Variants in IL22RA2 observed in about 807,000 individuals in gnomAD.
IL22RA2 encodes the protein interleukin 22 receptor subunit alpha 2, also known as interleukin-22 receptor subunit alpha-2.
A neutral mutation model predicts 30.7 loss-of-function variants in IL22RA2; 39 were observed. The ratio of observed to expected loss-of-function variants is 1.27; its 90% CI spans 0.98 to 1.66. The LOEUF (loss-of-function observed/expected upper bound fraction) is 1.66, where lower values mean the gene tolerates loss of function less well. Ranked by LOEUF, IL22RA2 falls within the 40% of genes most tolerant of loss-of-function variation. IL22RA2 has a pLI of 0.00. For synonymous variants in IL22RA2, 103 were observed against 105.0 expected (o/e 0.98, Z 0.11); for missense variants, 315 against 312.7 (o/e 1.01, Z -0.05).
At chr6:137,171,923 T>G (rs1778742975) in intron 1 of IL22RA2, among the ~76,000 whole-genome samples, 1 of 152,142 alleles carries the variant, frequency 6.6e-6, no homozygotes, top group Non-Finnish European at 1.5e-5. Flanking sequence ...CCAGCTGAAG[T>G]TTTTGGTGCT....
Position 137,145,483 on chromosome 6 carries a change from A to G in IL22RA2, c.*141T>C, listed in dbSNP as rs1221664934. On this transcript the variant is annotated 3_prime_UTR_variant, in exon 7 of 7. Coordinates refer to ENST00000296980, the MANE Select transcript of IL22RA2 (RefSeq NM_052962.3). Reference sequence around the variant, plus strand: ...ATAAAGGATAAAAGAATGGATAAACAAAGAAGTCCCCAAGGTGTAACAGTG... The same window carrying G: ...ATAAAGGATAAAAGAATGGATAAACGAAGAAGTCCCCAAGGTGTAACAGTG... The G allele has an allele frequency of 3.0e-6, 2 of 662,708 alleles. No homozygotes were observed. Among genetic ancestry groups the G allele is most frequent in the Non-Finnish European group, 4.8e-6 (2 of 418,396 alleles). 41.1% of individuals were successfully genotyped at this position (662,708 alleles called of 1,614,324 possible). A position where few individuals can be genotyped will look rare whatever the true frequency, so the allele number is the denominator to read the frequency against.
chr6:137,170,747 C>G (rs1273343076), intron 1 of IL22RA2, among the ~76,000 whole-genome samples: 3 of 151,998 alleles, frequency 2.0e-5, no homozygotes, highest in Non-Finnish European at 4.4e-5. Flanking sequence ...TACATACCAC[C>G]GGGAAAGGGC....
At chr6:137,162,908 T>A (rs1034582154) in intron 1 of IL22RA2, among the ~76,000 whole-genome samples, 2 of 152,210 alleles carry the variant, frequency 1.3e-5, no homozygotes, top group Admixed American at 1.3e-4. Flanking sequence ...AAATCAACTA[T>A]AACCTAATAG....
chr6:137,171,804 T>A (rs533181346), intron 1 of IL22RA2, among the ~76,000 whole-genome samples: 1 of 152,242 alleles, frequency 6.6e-6, no homozygotes, highest in Non-Finnish European at 1.5e-5. Flanking sequence ...GCAGTTGCGC[T>A]GCATGCTTTC....
chr6:137,160,556 C>G (rs1453110314), intron 2 of IL22RA2, among the ~76,000 whole-genome samples: 2 of 152,202 alleles, frequency 1.3e-5, no homozygotes, highest in Non-Finnish European at 2.9e-5. Context: ...CAATTAGAAG[C>G]TGAGGCTATA....
rs750146939 is a variant in IL22RA2 at position 137,158,396 on chromosome 6, C to G, written c.148G>C (p.Gly50Arg). The change falls in exon 3 of 7, where the codon GGG (glycine) becomes CGG (arginine). Residue 50 changes from glycine to arginine, a missense_variant. Coordinates refer to ENST00000296980, the MANE Select transcript of IL22RA2 (RefSeq NM_052962.3). The stretch of plus-strand genomic sequence containing the variant: ...CTGCTGTTGCCAGTAAGTGCCCTCC[C>G]AGGCTGCCATTGCAAAATGTTGTGA... ...NFHNILQWQP[G>R]RALTGNSSVY... 3.0e-5 allele frequency: 48 copies of G among 1,614,194 alleles called. No individual in the cohort carries two copies. The highest frequency in any genetic ancestry group is 4.1e-5 in the Non-Finnish European group (48 of 1,180,012).
intron 6 of IL22RA2, 77 bp downstream of exon 6, chr6:137,147,645 A>T: frequency 8.6e-7 from 1 of 1,161,332 alleles, no homozygotes; most frequent in African/African-American, 1.6e-5. Flanking sequence ...GCAGAAGAGG[A>T]CATCTCATAT....
intron 5 of IL22RA2, among the ~76,000 whole-genome samples, chr6:137,153,776 C>T (rs922531326): frequency 6.6e-6 from 1 of 152,092 alleles, no homozygotes; most frequent in Non-Finnish European, 1.5e-5. Context: ...TAGAGCTTCT[C>T]TATTCAGTGA....
intron 1 of IL22RA2, among the ~76,000 whole-genome samples, chr6:137,166,246 G>A (rs930591060): frequency 2.0e-5 from 3 of 152,232 alleles, no homozygotes; most frequent in African/African-American, 4.8e-5. Flanking sequence ...AGCCCAAAGA[G>A]CTGAGATAAT....
In IL22RA2 at chr6:137,144,709, A is replaced by C. The variant is rs905960870; in HGVS notation, c.*915T>G. 6.6e-6 allele frequency: 1 copy of C among 152,194 alleles called. No individual in the cohort carries two copies. Among genetic ancestry groups the C allele is most frequent in the African/African-American group, 2.4e-5 (1 of 41,424 alleles). 9.4% of individuals were successfully genotyped at this position (152,194 alleles called of 1,614,324 possible). A position where few individuals can be genotyped will look rare whatever the true frequency, so the allele number is the denominator to read the frequency against. Reference sequence around the variant, plus strand: ...ATGGGGTCGACCCCAGCAGTTCCCAATAAACCATCATTCATGGGATCCTCC... The same window carrying C: ...ATGGGGTCGACCCCAGCAGTTCCCACTAAACCATCATTCATGGGATCCTCC... On this transcript the variant is annotated 3_prime_UTR_variant, in exon 7 of 7. Coordinates refer to ENST00000296980, the MANE Select transcript of IL22RA2 (RefSeq NM_052962.3).
Position 137,147,595 on chromosome 6 carries a change from A to C in IL22RA2, c.642+127T>G, listed in dbSNP as rs1778207200. ...TTGATCAATGATGGCTGAGAGTAAG[A>C]AGAAATTAAAGATAAGGAAAAGTAA... is the stretch of plus-strand genomic sequence containing the variant. On this transcript the variant is annotated intron_variant, in intron 6 of 6. Coordinates refer to ENST00000296980, the MANE Select transcript of IL22RA2 (RefSeq NM_052962.3). The C allele has an allele frequency of 3.9e-6, 3 of 772,378 alleles. No homozygotes were observed. The South Asian group carries it at 6.4e-5, about 16-fold the overall frequency. 47.8% of individuals were successfully genotyped at this position (772,378 alleles called of 1,614,324 possible). A position where few individuals can be genotyped will look rare whatever the true frequency, so the allele number is the denominator to read the frequency against.
intron 3 of IL22RA2, among the ~76,000 whole-genome samples, chr6:137,157,276 C>A (rs1471501559): frequency 6.6e-6 from 1 of 152,084 alleles, no homozygotes; most frequent in Non-Finnish European, 1.5e-5. Context: ...CACTTTTGAC[C>A]TATTTATACT....
chr6:137,151,994 TATA>T (rs1778301570), intron 5 of IL22RA2, among the ~76,000 whole-genome samples: 1 of 152,204 alleles, frequency 6.6e-6, no homozygotes, highest in African/African-American at 2.4e-5. Flanking sequence ...AATGATTAAA[TATA>T]GAGTTACTAT....
Position 137,158,215 on chromosome 6 carries a change from T to C in IL22RA2, c.197+132A>G, listed in dbSNP as rs1778448796. On this transcript the variant is annotated intron_variant, in intron 3 of 6. Transcript: ENST00000296980. ...AGCCTTCAGGGGAGACAAGTCACTG[T>C]TATCCTGACCTTGGCTTCTTCTCAA... The C allele has an allele frequency of 1.8e-5, 19 of 1,057,054 alleles. No individual in the cohort carries two copies. In the East Asian group the frequency reaches 4.1e-4, roughly 23 times the overall value. 65.5% of individuals were successfully genotyped at this position (1,057,054 alleles called of 1,614,324 possible).
chr6:137,156,733 G>A, intron 4 of IL22RA2, 26 bp downstream of exon 4: 1 of 1,606,628 alleles, frequency 6.2e-7, no homozygotes, highest in Middle Eastern at 1.7e-4. Context: ...CTGAGGCTAG[G>A]TAATTGATAA....
At position 137,145,424 on chromosome 6, in the gene IL22RA2, G is replaced by A. The variant is rs73780348; in HGVS notation, c.*200C>T. 8.7e-6 allele frequency: 4 copies of A among 457,976 alleles called. No homozygotes were observed. The South Asian group carries it at 1.2e-4, about 13-fold the overall frequency. The allele number at this position is 457,976 out of a possible 1,614,324, so 28.4% of individuals were successfully genotyped here. ...ATCTTTACATTTCAATTTTTCGGGG[G>A]GAATGTCGTTCAAATATAGTTTACA... On this transcript the variant is annotated 3_prime_UTR_variant, in exon 7 of 7. Coordinates refer to ENST00000296980, the MANE Select transcript of IL22RA2 (RefSeq NM_052962.3).
At chr6:137,172,779 T>G (rs1410006358) in intron 1 of IL22RA2, among the ~76,000 whole-genome samples, 2 of 152,220 alleles carry the variant, frequency 1.3e-5, no homozygotes, top group Non-Finnish European at 2.9e-5. Context: ...CTTCCTTTCT[T>G]CTTGTGGCTT....
At chr6:137,150,706 C>T (rs1229518260) in intron 5 of IL22RA2, among the ~76,000 whole-genome samples, 1 of 152,094 alleles carries the variant, frequency 6.6e-6, no homozygotes, top group African/African-American at 2.4e-5. Flanking sequence ...ATATAATAAT[C>T]ACACTGATCT....
chr6:137,168,771 T>C (rs1211956159), intron 1 of IL22RA2, among the ~76,000 whole-genome samples: 2 of 152,198 alleles, frequency 1.3e-5, no homozygotes, highest in African/African-American at 4.8e-5. Context: ...ATTACTAACC[T>C]TTGATCAGGC....
Sources: gnomAD v4.1 joint callset for allele counts (sites outside exome capture counted in the v4.1 genomes callset) on GRCh38, gnomAD v4.1.1 for gene constraint, MANE v1.5 for transcripts, NCBI Gene and HGNC (gene_info 2026-07-23, HGNC 2026-07-21) for gene names.